Variants in CADPS2 observed in about 807,000 individuals in gnomAD.
CADPS2 encodes calcium dependent secretion activator 2.
In CADPS2, 93 loss-of-function variants were observed where a neutral mutation model predicts 172.5. That is an observed-to-expected ratio of 0.54 (90% CI 0.46 to 0.64). CADPS2 has a LOEUF of 0.64. Among genes scored for constraint, CADPS2 ranks in the 30% least tolerant of loss-of-function variants. The pLI is 0.00. For missense variants in CADPS2, 1,420 were observed against 1,565.9 expected (o/e 0.91, Z 1.57); for synonymous variants, 546 against 555.2 (o/e 0.98, Z 0.23).
chr7:122,536,798 T>C (rs1190608662), intron 8 of CADPS2, among the ~76,000 whole-genome samples: 1 of 152,082 alleles, frequency 6.6e-6, no homozygotes, highest in Non-Finnish European at 1.5e-5. Context: ...AGGGTGCTAA[T>C]GAAGATTAAG....
intron 3 of CADPS2, among the ~76,000 whole-genome samples, chr7:122,649,962 T>G (rs112210315): frequency 0.19 from 24,703 of 132,522 alleles, 2,219 homozygotes; most frequent in Admixed American, 0.29. Flanking sequence ...CAGGCTGGAG[T>G]GCAGTGGTGT....
At chr7:122,615,032 A>G in intron 6 of CADPS2, 149 bp downstream of exon 6, 2 of 453,394 alleles carry the variant, frequency 4.4e-6, no homozygotes, top group African/African-American at 2.0e-5. Context: ...AAAGGGACAC[A>G]CTAGTTCTAA....
chr7:122,746,492 C>G (rs2092720112), intron 1 of CADPS2, among the ~76,000 whole-genome samples: 2 of 152,074 alleles, frequency 1.3e-5, no homozygotes, highest in South Asian at 4.1e-4. Context: ...TCCTGAACCC[C>G]AATCCACAGT....
rs1351887480 is a variant in CADPS2, at chr7:122,703,052, G to A, written c.453+33903C>T. On this transcript the variant is annotated intron_variant, in intron 2 of 29. Coordinates refer to ENST00000449022, the MANE Select transcript of CADPS2 (RefSeq NM_017954.11). ...TAAACCAATCCAAGAGTTTATATTA[G>A]TGCATTGCATCCTGAAATCCTATTG... 5.7e-5 allele frequency: 16 copies of A among 279,084 alleles called. No homozygotes were observed. In the East Asian group the frequency reaches 1.2e-3, roughly 20 times the overall value. The allele number at this position is 279,084 out of a possible 1,614,324, so 17.3% of individuals were successfully genotyped here.
chr7:122,685,091 T>C (rs532120867), intron 2 of CADPS2, among the ~76,000 whole-genome samples: 109 of 152,256 alleles, frequency 7.2e-4, no homozygotes, highest in African/African-American at 2.6e-3. Flanking sequence ...GGAATAGCAA[T>C]GTTATTGCTT....
At chr7:122,584,991 G>A (rs935895867) in intron 6 of CADPS2, among the ~76,000 whole-genome samples, 5 of 151,830 alleles carry the variant, frequency 3.3e-5, no homozygotes, top group African/African-American at 9.7e-5. Flanking sequence ...ATTTATGGCC[G>A]GAGGTTCTAC....
At chr7:122,792,633 G>C (rs938387930) in intron 1 of CADPS2, among the ~76,000 whole-genome samples, 1 of 152,130 alleles carries the variant, frequency 6.6e-6, no homozygotes, top group Non-Finnish European at 1.5e-5. Flanking sequence ...AACTTATTTA[G>C]TAGTATGTCA....
chr7:122,477,173 C>A (rs2056794802), intron 12 of CADPS2, among the ~76,000 whole-genome samples: 2 of 151,818 alleles, frequency 1.3e-5, no homozygotes, highest in Admixed American at 1.3e-4. Context: ...GCCCTCTGGC[C>A]CTTGTTTTAA....
intron 25 of CADPS2, among the ~76,000 whole-genome samples, chr7:122,362,370 A>G (rs1173351512): frequency 6.6e-6 from 1 of 152,190 alleles, no homozygotes; most frequent in Non-Finnish European, 1.5e-5. Flanking sequence ...ATGCAAGCTC[A>G]GTTTGACCAC....
At chr7:122,846,767 A>G (rs1812094814) in intron 1 of CADPS2, among the ~76,000 whole-genome samples, 1 of 152,222 alleles carries the variant, frequency 6.6e-6, no homozygotes, top group African/African-American at 2.4e-5. Context: ...GGTAAGGACA[A>G]TAACAGCTCT....
chr7:122,576,354 T>C (rs1371914800), intron 7 of CADPS2, among the ~76,000 whole-genome samples: 2 of 152,180 alleles, frequency 1.3e-5, no homozygotes, highest in South Asian at 2.1e-4. Context: ...GCAGCATATG[T>C]TTCCCCCTTA....
At chr7:122,663,197 G>A (rs780574186) in intron 3 of CADPS2, 40 bp downstream of exon 3, 19 of 1,372,194 alleles carry the variant, frequency 1.4e-5, no homozygotes, top group Non-Finnish European at 1.6e-5. Context: ...TTCATTCCAC[G>A]AGTCAGACAG....
intron 3 of CADPS2, among the ~76,000 whole-genome samples, chr7:122,641,855 G>A (rs1475774493): frequency 6.7e-6 from 1 of 149,462 alleles, no homozygotes; most frequent in East Asian, 2.0e-4. Flanking sequence ...GAGTTCATAT[G>A]TTACGTTAAA....
intron 29 of CADPS2, among the ~76,000 whole-genome samples, chr7:122,325,270 T>C (rs2033589546): frequency 6.6e-6 from 1 of 152,156 alleles, no homozygotes; most frequent in Non-Finnish European, 1.5e-5. Flanking sequence ...TGTGAGTATT[T>C]GCTAGCAAAT....
chr7:122,381,047 G>C (rs1340463001), intron 24 of CADPS2, among the ~76,000 whole-genome samples: 1 of 152,076 alleles, frequency 6.6e-6, no homozygotes, highest in Non-Finnish European at 1.5e-5. Flanking sequence ...GAGCCAGACA[G>C]GTCCACACAT....
intron 3 of CADPS2, among the ~76,000 whole-genome samples, chr7:122,631,138 A>G (rs2076539121): frequency 6.6e-6 from 1 of 152,194 alleles, no homozygotes; most frequent in African/African-American, 2.4e-5. Context: ...AACTGTAACA[A>G]TACTTCAAAT....
chr7:122,763,336 T>C (rs1489919922), intron 1 of CADPS2, among the ~76,000 whole-genome samples: 1 of 152,068 alleles, frequency 6.6e-6, no homozygotes, highest in Non-Finnish European at 1.5e-5. Flanking sequence ...GCAAAGGGGA[T>C]AGTGTGATGA....
At chr7:122,793,386 C>T (rs1334737713) in intron 1 of CADPS2, among the ~76,000 whole-genome samples, 1 of 152,112 alleles carries the variant, frequency 6.6e-6, no homozygotes, top group Non-Finnish European at 1.5e-5. Context: ...ATGTAATGCC[C>T]TTCTTTATCT....
Position 122,438,324 on chromosome 7 carries a change from T to C in CADPS2, c.2476+17A>G, listed in dbSNP as rs1448106965. Reference sequence around the variant, plus strand: ...TTGGCTCTCACTGCCACTTCGACAATTGCTCACTGCACTGACCTTCTATTT... The same window carrying C: ...TTGGCTCTCACTGCCACTTCGACAACTGCTCACTGCACTGACCTTCTATTT... On this transcript the variant is annotated intron_variant, in intron 17 of 29. Coordinates refer to ENST00000449022, the MANE Select transcript of CADPS2 (RefSeq NM_017954.11). 3.7e-6 allele frequency: 6 copies of C among 1,612,408 alleles called. No individual in the cohort carries two copies. Among genetic ancestry groups the C allele is most frequent in the South Asian group, 3.3e-5 (3 of 91,020 alleles).
Sources: allele counts gnomAD v4.1 joint callset (sites outside exome capture counted in the v4.1 genomes callset), GRCh38; gene constraint gnomAD v4.1.1; transcripts MANE v1.5; gene names NCBI Gene and HGNC (gene_info 2026-07-23, HGNC 2026-07-21).